The following ZNF521 variants were observed in gnomAD, a reference collection of about 807,000 sequenced individuals.
The protein encoded by ZNF521 is LYST-interacting protein 3.
In ZNF521, 14 loss-of-function variants were observed where a neutral mutation model predicts 105.5. The ratio of observed to expected loss-of-function variants is 0.13; its 90% CI spans 0.09 to 0.21. The LOEUF is 0.21. ZNF521 is among the 10% of genes least tolerant of loss of function. The pLI is 1.00. For missense variants in ZNF521, 1,233 were observed against 1,629.7 expected, an observed-to-expected ratio of 0.76 and a Z score of 4.19; for synonymous variants, 635 against 606.0, an observed-to-expected ratio of 1.05 and a Z score of -0.70.
chr18:25,104,753 C>T (rs2034037413), intron 5 of ZNF521, among the ~76,000 whole-genome samples: 1 of 152,106 alleles, frequency 6.6e-6, no homozygotes, highest in Non-Finnish European at 1.5e-5. Flanking sequence ...CAAAAGTTCT[C>T]ATCTCAGAAT....
intron 5 of ZNF521, among the ~76,000 whole-genome samples, chr18:25,118,055 T>C (rs1353587360): frequency 6.6e-6 from 1 of 151,996 alleles, no homozygotes; most frequent in African/African-American, 2.4e-5. Flanking sequence ...TAAAAGCATA[T>C]TACACAGAGC....
At chr18:25,350,356 G>C (rs2145240320) in intron 2 of ZNF521, among the ~76,000 whole-genome samples, 1 of 152,074 alleles carries the variant, frequency 6.6e-6, no homozygotes, top group African/African-American at 2.4e-5. Context: ...TGTTTACTCC[G>C]GCGACGTGCG....
At chr18:25,171,879 C>G (rs2035454812) in intron 5 of ZNF521, among the ~76,000 whole-genome samples, 1 of 152,102 alleles carries the variant, frequency 6.6e-6, no homozygotes, top group Non-Finnish European at 1.5e-5. Context: ...AATTTACTGT[C>G]AAGCTGCCAC....
intron 3 of ZNF521, among the ~76,000 whole-genome samples, chr18:25,291,114 C>T (rs1214614791): frequency 2.0e-5 from 3 of 152,084 alleles, no homozygotes; most frequent in African/African-American, 7.2e-5. Flanking sequence ...CAGAATTCTA[C>T]CAAGATATAA....
intron 2 of ZNF521, chr18:25,327,700 G>A (rs778950228): frequency 1.9e-6 from 1 of 518,806 alleles, no homozygotes; most frequent in Non-Finnish European, 3.8e-6. Context: ...AATCCCATAA[G>A]ACGAAAACAG....
chr18:25,327,556 T>A, intron 2 of ZNF521: 1 of 696,706 alleles, frequency 1.4e-6, no homozygotes. Context: ...TTATACTTTT[T>A]AAGAACAGAG....
At chr18:25,191,574 G>A (rs1386975231) in intron 5 of ZNF521, among the ~76,000 whole-genome samples, 4 of 152,136 alleles carry the variant, frequency 2.6e-5, no homozygotes, top group African/African-American at 7.2e-5. Context: ...CATAGTGATC[G>A]AAATTTCTTT....
chr18:25,090,846 A>C (rs900715023), intron 6 of ZNF521, among the ~76,000 whole-genome samples: 1 of 152,214 alleles, frequency 6.6e-6, no homozygotes, highest in Non-Finnish European at 1.5e-5. Flanking sequence ...GTATGTTAGG[A>C]TATATACTAC....
chr18:25,348,441 C>T (rs1343299934), intron 2 of ZNF521, among the ~76,000 whole-genome samples: 1 of 152,130 alleles, frequency 6.6e-6, no homozygotes, highest in Non-Finnish European at 1.5e-5. Context: ...TATAGCTCAT[C>T]TACATATGAA....
chr18:25,209,210 C>T (rs1180287865), intron 4 of ZNF521, among the ~76,000 whole-genome samples: 1 of 151,982 alleles, frequency 6.6e-6, no homozygotes, highest in Non-Finnish European at 1.5e-5. Flanking sequence ...TGGCTCACTG[C>T]AACCTCCATC....
At chr18:25,287,830 T>C (rs1321400745) in intron 3 of ZNF521, among the ~76,000 whole-genome samples, 1 of 152,210 alleles carries the variant, frequency 6.6e-6, no homozygotes, top group African/African-American at 2.4e-5. Context: ...CACTAAGGAC[T>C]GTGTGACTTC....
chr18:25,300,217 TGTGA>T (rs1421252151), intron 3 of ZNF521, among the ~76,000 whole-genome samples: 1 of 152,182 alleles, frequency 6.6e-6, no homozygotes, highest in Non-Finnish European at 1.5e-5. Flanking sequence ...GCACCAGCCA[TGTGA>T]GTAAGACCAC....
intron 5 of ZNF521, among the ~76,000 whole-genome samples, chr18:25,172,326 T>C (rs1405588600): frequency 6.6e-6 from 1 of 152,192 alleles, no homozygotes; most frequent in Non-Finnish European, 1.5e-5. Context: ...CTCTTTCTAT[T>C]GCCGATTTTG....
Position 25,062,609 on chromosome 18 carries a change from T to A in ZNF521, c.*103A>T. 8.4e-6 allele frequency: 12 copies of A among 1,424,210 alleles called. No homozygotes were observed. The highest frequency in any genetic ancestry group is 1.2e-5 in the Non-Finnish European group (12 of 1,037,484). 88.2% of individuals were successfully genotyped at this position (1,424,210 alleles called of 1,614,324 possible). A position where few individuals can be genotyped will look rare whatever the true frequency, so the allele number is the denominator to read the frequency against. On this transcript the variant is annotated 3_prime_UTR_variant, in exon 8 of 8. Coordinates refer to ENST00000361524, the MANE Select transcript of ZNF521 (RefSeq NM_015461.3). ...ACAAGTTTTATGGTACAATACAATGTTTCTGAATAATATACATTAACAATG... is the reference window on the plus strand; with the variant it reads ...ACAAGTTTTATGGTACAATACAATGATTCTGAATAATATACATTAACAATG...
intron 4 of ZNF521, 177 bp downstream of exon 4, chr18:25,224,168 T>C (rs1324322854): frequency 4.6e-6 from 3 of 645,786 alleles, no homozygotes; most frequent in Non-Finnish European, 8.0e-6. Context: ...AAAATGCTGC[T>C]TATCAAGAAG....
rs950941822 is a variant in ZNF521, at chr18:25,095,860, G to A, written c.3659-3779C>T. ...TATATGAGCAAACATGGAGCTTTCTGTATGAGCCTGTATCTTTCCAGAACA... is the reference window on the plus strand; with the variant it reads ...TATATGAGCAAACATGGAGCTTTCTATATGAGCCTGTATCTTTCCAGAACA... On this transcript the variant is annotated intron_variant, in intron 5 of 7. Coordinates refer to ENST00000361524, the MANE Select transcript of ZNF521 (RefSeq NM_015461.3). Among the ~76,000 whole-genome samples the A allele has an allele frequency of 3.9e-5, 6 of 152,178 alleles. No homozygotes were observed. In the South Asian group the frequency reaches 6.2e-4, roughly 16 times the overall value.
At chr18:25,256,032 G>A (rs536502005) in intron 3 of ZNF521, among the ~76,000 whole-genome samples, 40 of 146,608 alleles carry the variant, frequency 2.7e-4, no homozygotes, top group African/African-American at 8.7e-4. Context: ...TATATATATG[G>A]TATATATATG....
chr18:25,222,064 T>C (rs1004986875), intron 4 of ZNF521, among the ~76,000 whole-genome samples: 1 of 152,130 alleles, frequency 6.6e-6, no homozygotes, highest in Non-Finnish European at 1.5e-5. Context: ...TAAGAAATAT[T>C]TGAAACTAAA....
chr18:25,062,868 G>T, intron 7 of ZNF521, 127 bp from the exon 8 acceptor site: 1 of 934,056 alleles, frequency 1.1e-6, no homozygotes, highest in Non-Finnish European at 1.5e-6. Flanking sequence ...ATAATGACTT[G>T]AACAGAACAA....
Sources: allele counts gnomAD v4.1 joint callset (sites outside exome capture counted in the v4.1 genomes callset), GRCh38; gene constraint gnomAD v4.1.1; transcripts MANE v1.5; gene names NCBI Gene and HGNC (gene_info 2026-07-23, HGNC 2026-07-21).